Variants in SLC26A6 observed in about 807,000 individuals in gnomAD.
The protein encoded by SLC26A6 is anion exchange transporter.
Under a neutral mutation model 87.1 loss-of-function variants are expected in SLC26A6, and 67 were observed. The observed-to-expected ratio is 0.77, with a 90% CI of 0.63 to 0.94. SLC26A6 has a LOEUF of 0.94. Among genes scored for constraint, SLC26A6 ranks in the 40% least tolerant of loss-of-function variants. The pLI, the probability that SLC26A6 is intolerant of heterozygous loss-of-function variation, is 0.00. For synonymous variants in SLC26A6, 414 were observed against 405.9 expected (o/e 1.02, Z -0.24); for missense variants, 902 against 973.0 (o/e 0.93, Z 0.97).
rs1345976640 is a variant in SLC26A6, at chr3:48,633,040, G to A, written c.367C>T (p.Leu123Phe). Residue 123 changes from leucine to phenylalanine, a missense_variant, in exon 4 of 21, where the codon CTC becomes TTC. Leu to Phe is a conservative substitution (Grantham distance 22). Transcript: ENST00000395550. The part of the protein sequence containing the change: ...LLAGLPPVFG[L>F]YSSFYPVFIY... ...AAGACAGGGTAGAAGGAGCTATAGA[G>A]GCCAAACACGGGGGGCAATCCAGCC... 6.2e-7 allele frequency: 1 copy of A among 1,613,654 alleles called. No homozygotes were observed. The highest frequency in any genetic ancestry group is 1.1e-5 in the South Asian group (1 of 90,924).
rs572235042 is a variant in SLC26A6 at position 48,630,155 on chromosome 3, C to T, written c.1329G>A (p.Ala443=). 117 of 1,606,844 alleles carry T rather than the reference C, an allele frequency of 7.3e-5. 1 individual carries two copies. In the East Asian group the frequency reaches 2.1e-3, roughly 29 times the overall value. Reference sequence around the variant, plus strand: ...TCACAATGATGATGGCTGCCAGGACCGCCTGGGGTGGGGACAGTGCCACCA... The same window carrying T: ...TCACAATGATGATGGCTGCCAGGACTGCCTGGGGTGGGGACAGTGCCACCA... The part of the protein sequence containing the change: ...LGELFHDLPK[A]VLAAIIIVNL... Residue 443 remains alanine (A), a splice_region_variant and synonymous_variant, in exon 12 of 21, where the codon GCG becomes GCA. Coordinates refer to ENST00000395550, the MANE Select transcript of SLC26A6 (RefSeq NM_022911.3).
Position 48,625,901 on chromosome 3 carries a change from C to G in SLC26A6, c.*85G>C. 1 of 1,569,246 alleles carries G rather than the reference C, an allele frequency of 6.4e-7. No individual in the cohort carries two copies. The highest frequency in any genetic ancestry group is 1.1e-5 in the South Asian group (1 of 88,748). ...GTACATGGAGGGGACTCCTGGGTAG[C>G]ACCTGGAGGCGGCCTAGGGGTGAGG... On this transcript the variant is annotated 3_prime_UTR_variant, in exon 21 of 21. Transcript: ENST00000395550. This position sits in a 1 kb window ranked among gnomAD's most constrained non-coding sequence, Gnocchi z 4.7.
At chr3:48,632,197 G>GGGA in intron 5 of SLC26A6, 48 bp downstream of exon 5, 1 of 1,568,606 alleles carries the variant, frequency 6.4e-7, no homozygotes, top group South Asian at 1.2e-5. Flanking sequence ...GGACAGTGGC[G>GGGA]GGAGCAGAAG....
chr3:48,633,134 GAT>G, intron 3 of SLC26A6, 50 bp from the exon 4 acceptor site: 2 of 1,587,370 alleles, frequency 1.3e-6, no homozygotes, highest in South Asian at 2.3e-5. Flanking sequence ...ATCTTGAAAC[GAT>G]AAGGGAATCC....
chr3:48,631,762 C>G lies in SLC26A6; in HGVS notation c.790G>C (p.Val264Leu). 1 of 1,613,608 alleles carries G rather than the reference C, an allele frequency of 6.2e-7. No individual in the cohort carries two copies. Among genetic ancestry groups the G allele is most frequent in the Non-Finnish European group, 8.5e-7 (1 of 1,180,030 alleles). The change falls in exon 7 of 21, where the codon GTT (valine) becomes CTT (leucine). Residue 264 changes from valine to leucine, a missense_variant. By Grantham distance (32) the Val-to-Leu change is conservative (BLOSUM62 1). Coordinates refer to ENST00000395550, the MANE Select transcript of SLC26A6 (RefSeq NM_022911.3). ...ACAGCTGCAGTGACCACGGTGCCAACCTTGCTCTGGGGCAGCTTCCAGCAG... is the reference window on the plus strand; with the variant it reads ...ACAGCTGCAGTGACCACGGTGCCAAGCTTGCTCTGGGGCAGCTTCCAGCAG... ...EVCWKLPQSK[V>L]GTVVTAAVAG...
intron 9 of SLC26A6, 39 bp downstream of exon 9, chr3:48,630,954 A>G: frequency 6.2e-7 from 1 of 1,607,206 alleles, no homozygotes; most frequent in African/African-American, 1.3e-5. Flanking sequence ...GCGCCTCCAT[A>G]CACTTGGATG....
At chr3:48,631,615 T>TTC in intron 7 of SLC26A6, 34 bp downstream of exon 7, 1 of 1,603,278 alleles carries the variant, frequency 6.2e-7, no homozygotes, top group East Asian at 2.2e-5. Context: ...TGACCTGCCC[T>TTC]TCTCCCCTGC....
Position 48,633,012 on chromosome 3 carries a change from A to G in SLC26A6, c.395T>C (p.Ile132Thr), listed in dbSNP as rs779470832. 1 of 1,613,700 alleles carries G rather than the reference A, an allele frequency of 6.2e-7. No individual in the cohort carries two copies. ...CCGGGAAGTGCCAAACAGGAAGTAG[A>G]TGAAGACAGGGTAGAAGGAGCTATA... The part of the protein sequence containing the change: ...GLYSSFYPVF[I>T]YFLFGTSRHI... The change falls in exon 4 of 21, where the codon ATC becomes ACC. Residue 132 changes from isoleucine to threonine, a missense_variant. This residue lies in a region of SLC26A6 where 800 missense variants were observed against 856.8 expected (regional missense o/e 0.93). Transcript: ENST00000395550.
rs1286899530 is a variant in SLC26A6 at position 48,630,156 on chromosome 3, G to A, written c.1328C>T (p.Ala443Val). Residue 443 changes from alanine to valine, a missense_variant and splice_region_variant, in exon 12 of 21, where the codon GCG becomes GTG. By Grantham distance (64) the Ala-to-Val change is moderately conservative. Around this residue, in one of 3 missense-constraint regions of SLC26A6, gnomAD observed 800 missense variants for 856.8 expected, o/e 0.93. Coordinates refer to ENST00000395550, the MANE Select transcript of SLC26A6 (RefSeq NM_022911.3). ...CACAATGATGATGGCTGCCAGGACC[G>A]CCTGGGGTGGGGACAGTGCCACCAG... ...LGELFHDLPK[A>V]VLAAIIIVNL... 7.5e-6 allele frequency: 12 copies of A among 1,606,632 alleles called. No individual in the cohort carries two copies. The East Asian group carries it at 9.0e-5, about 12-fold the overall frequency.
rs201323584 is a variant in SLC26A6 at position 48,634,125 on chromosome 3, TA to T, written c.24-491del. 8.1e-3 allele frequency: 1,363 copies of T among 167,550 alleles called. 21 individuals carry two copies. The highest frequency in any genetic ancestry group is 0.038 in the South Asian group (264 of 6,860). 10.4% of individuals were successfully genotyped at this position (167,550 alleles called of 1,614,324 possible). A position where few individuals can be genotyped will look rare whatever the true frequency, so the allele number is the denominator to read the frequency against. ...AGGCCTCAGATGAGACCCTCCCCTC[TA>T]AGGGAAGGAAAGTGTTGGAGCCAAG... On this transcript the variant is annotated intron_variant, in intron 1 of 20. Coordinates refer to ENST00000395550, the MANE Select transcript of SLC26A6 (RefSeq NM_022911.3).
In SLC26A6 at chr3:48,628,435, T is replaced by A. The variant is rs1206419536; in HGVS notation, c.1799A>T (p.Gln600Leu). The change falls in exon 16 of 21, where the codon CAG becomes CTG. Residue 600 changes from glutamine to leucine, a missense_variant and splice_region_variant. This residue lies in a region of SLC26A6 where 800 missense variants were observed against 856.8 expected (regional missense o/e 0.93). Transcript: ENST00000395550. The surrounding 1 kb of genome is among the most constrained non-coding windows in gnomAD (Gnocchi z 4.4). ...GTCACCAGACAAAAGGGGCCCTGCC[T>A]GTTTCCGAAGCTTCTCCTCTTTCTG... ...QLQKEEKLRK[Q>L]AASPKGASVS... 6.2e-7 allele frequency: 1 copy of A among 1,613,952 alleles called. No homozygotes were observed. The highest frequency in any genetic ancestry group is 2.2e-5 in the East Asian group (1 of 44,888).
chr3:48,633,723 C>G, intron 1 of SLC26A6, 88 bp from the exon 2 acceptor site: 1 of 1,546,814 alleles, frequency 6.5e-7, no homozygotes, highest in Non-Finnish European at 8.7e-7. Context: ...GAGTTACCTA[C>G]CTGATTTTTC....
At chr3:48,627,140 G>A (rs1029202521) in intron 17 of SLC26A6, 85 bp from the exon 18 acceptor site, 127 of 1,492,098 alleles carry the variant, frequency 8.5e-5, no homozygotes, top group Non-Finnish European at 1.1e-4. Flanking sequence ...GAACACGCAA[G>A]GTCAGATGGG....
rs1355270767 is a variant in SLC26A6 at position 48,628,398 on chromosome 3, C to A, written c.1800+36G>T. 1.1e-5 allele frequency: 18 copies of A among 1,609,510 alleles called. No homozygotes were observed. The highest frequency in any genetic ancestry group is 1.5e-5 in the Non-Finnish European group (18 of 1,179,038). On this transcript the variant is annotated intron_variant, in intron 16 of 20. Coordinates refer to ENST00000395550, the MANE Select transcript of SLC26A6 (RefSeq NM_022911.3). The surrounding 1 kb of genome is among the most constrained non-coding windows in gnomAD (Gnocchi z 4.4). ...AAAGGCTGGGGCAGGGAACAGGGGG[C>A]AGGAGATGGGGGTCACCAGACAAAA... is the stretch of plus-strand genomic sequence containing the variant.
intron 4 of SLC26A6, chr3:48,632,737 T>G (rs1169967036): frequency 1.5e-6 from 1 of 675,568 alleles, no homozygotes; most frequent in Non-Finnish European, 2.7e-6. Context: ...CCAGGCCCCT[T>G]GGGCTGCCTC....
intron 11 of SLC26A6, 69 bp from the exon 12 acceptor site, chr3:48,630,226 C>T (rs563024944): frequency 5.0e-5 from 77 of 1,552,138 alleles, no homozygotes; most frequent in Middle Eastern, 4.2e-4. Flanking sequence ...CTCACCGAGG[C>T]AAAGCCAGAC....
chr3:48,635,432 C>A lies in SLC26A6; in HGVS notation c.-39G>T, dbSNP rs779580243. The stretch of plus-strand genomic sequence containing the variant: ...TCCGGTGCGGGCTGCTCCTGCTGCT[C>A]GAGCTAGAGGCCGCTACGCTCCGGA... On this transcript the variant is annotated 5_prime_UTR_variant, in exon 1 of 21. Coordinates refer to ENST00000395550, the MANE Select transcript of SLC26A6 (RefSeq NM_022911.3). 4.8e-5 allele frequency: 75 copies of A among 1,564,054 alleles called. No individual in the cohort carries two copies. Among genetic ancestry groups the A allele is most frequent in the Non-Finnish European group, 5.9e-5 (68 of 1,156,282 alleles).
rs1016705495 is a variant in SLC26A6, at chr3:48,630,631, C to T, written c.1224G>A (p.Gln408=). 6.3e-7 allele frequency: 1 copy of T among 1,589,878 alleles called. No homozygotes were observed. Among genetic ancestry groups the T allele is most frequent in the African/African-American group, 1.3e-5 (1 of 74,466 alleles). The part of the protein sequence containing the change: ...VSCSMSRSLV[Q]ESTGGNSQVA... The stretch of plus-strand genomic sequence containing the variant: ...CCTGCGAGTTGCCCCCGGTGCTCTC[C>T]TGTACCAGGCTCCGAGACATAGAGC... Residue 408 remains glutamine (Q), a synonymous_variant, in exon 10 of 21, where the codon CAG becomes CAA. Coordinates refer to ENST00000395550, the MANE Select transcript of SLC26A6 (RefSeq NM_022911.3).
intron 19 of SLC26A6, 94 bp downstream of exon 19, chr3:48,626,537 G>A (rs2046627360): frequency 6.3e-7 from 1 of 1,585,900 alleles, no homozygotes; most frequent in Non-Finnish European, 8.6e-7. Context: ...CAGTTCCAGA[G>A]AAAGACTTTT....
Sources: gnomAD v4.1 joint callset for allele counts on GRCh38, gnomAD v4.1.1 for gene constraint, gnomAD v4.1.1 regional missense constraint, Gnocchi (gnomAD v3.1) non-coding constraint, MANE v1.5 for transcripts, NCBI Gene and HGNC (gene_info 2026-07-23, HGNC 2026-07-21) for gene names.